SLC35A3: variants seen among roughly 807,000 people sequenced by gnomAD.
The protein encoded by SLC35A3 is solute carrier family 35 member A3.
A neutral mutation model predicts 39.0 loss-of-function variants in SLC35A3; 26 were observed. The observed-to-expected ratio is 0.67, with a 90% CI of 0.49 to 0.92. The LOEUF is 0.92. SLC35A3 is among the 40% of genes least tolerant of loss of function. The pLI, the probability that SLC35A3 is intolerant of heterozygous loss-of-function variation, is 0.00. For synonymous variants in SLC35A3, 135 were observed against 133.1 expected (o/e 1.01, Z -0.10); for missense variants, 299 against 371.6 (o/e 0.80, Z 1.61).
chr1:100,007,366 T>G (rs1659314961), intron 4 of SLC35A3: 1 of 419,748 alleles, frequency 2.4e-6, no homozygotes, highest in Non-Finnish European at 4.2e-6. Flanking sequence ...AAAATTATAT[T>G]ACCTACAGAA....
chr1:100,001,193 G>A (rs1658765573), intron 3 of SLC35A3, among the ~76,000 whole-genome samples: 2 of 151,850 alleles, frequency 1.3e-5, no homozygotes, highest in South Asian at 2.1e-4. Context: ...ATTATTCAGG[G>A]TCTTTGTGGT....
At chr1:99,980,300 A>G (rs1470459202) in intron 1 of SLC35A3, among the ~76,000 whole-genome samples, 2 of 152,112 alleles carry the variant, frequency 1.3e-5, no homozygotes, top group African/African-American at 4.8e-5. Context: ...GGAAGTGACC[A>G]TAACAGAATG....
chr1:100,013,354 T>C (rs1249327272), intron 5 of SLC35A3, among the ~76,000 whole-genome samples: 6 of 150,596 alleles, frequency 4.0e-5, no homozygotes, highest in Non-Finnish European at 4.4e-5. Flanking sequence ...GGCTCACGCC[T>C]GTAATCCCAG....
chr1:100,002,499 T>C (rs1180958725), intron 3 of SLC35A3, among the ~76,000 whole-genome samples: 1 of 152,210 alleles, frequency 6.6e-6, no homozygotes, highest in Non-Finnish European at 1.5e-5. Context: ...TTTTCTTGGT[T>C]AGTCTAGTTT....
intron 1 of SLC35A3, among the ~76,000 whole-genome samples, chr1:99,980,378 A>G (rs960470024): frequency 6.6e-6 from 1 of 152,176 alleles, no homozygotes; most frequent in African/African-American, 2.4e-5. Context: ...TCATTTTTAC[A>G]TGGCACCACA....
rs555272750 is a variant in SLC35A3 at position 100,018,491 on chromosome 1, A to G, written c.887+676A>G. On this transcript the variant is annotated intron_variant, in intron 7 of 7. Transcript: ENST00000533028. ...ATTTTCTCAACCTCTAAACTTTGGA[A>G]TCTCCCAAGAATCTTTTATTTATTT... Among the ~76,000 whole-genome samples the G allele has an allele frequency of 5.3e-5, 8 of 152,232 alleles. No individual in the cohort carries two copies. The East Asian group carries it at 1.5e-3, about 29-fold the overall frequency.
intron 1 of SLC35A3, among the ~76,000 whole-genome samples, chr1:99,990,817 G>C (rs1480292337): frequency 6.6e-6 from 1 of 152,106 alleles, no homozygotes. Context: ...GAGGTAATTA[G>C]GTCATGAAAG....
At chr1:100,000,743 C>T (rs1658719673) in intron 3 of SLC35A3, 1 of 152,138 alleles carries the variant, frequency 6.6e-6, no homozygotes, top group South Asian at 2.1e-4. Context: ...GAAGCAAGCA[C>T]TGCCTGTGCT....
At chr1:99,981,929 C>T (rs754090675) in intron 1 of SLC35A3, among the ~76,000 whole-genome samples, 6 of 151,692 alleles carry the variant, frequency 4.0e-5, no homozygotes, top group Non-Finnish European at 7.4e-5. Context: ...ACAGACTATA[C>T]GTTGGTGAGC....
Position 100,031,642 on chromosome 1 carries a change from A to G in SLC35A3, c.*9166A>G, listed in dbSNP as rs1047792705. On this transcript the variant is annotated 3_prime_UTR_variant, in exon 8 of 8. Transcript: ENST00000533028. The stretch of plus-strand genomic sequence containing the variant: ...CATCCTGCAAATAACTGTGTTTTCC[A>G]TCTGCATTTGGCTGAAAAAAAATCT... The G allele has an allele frequency of 1.3e-5, 2 of 152,168 alleles. No individual in the cohort carries two copies. The highest frequency in any genetic ancestry group is 2.9e-5 in the Non-Finnish European group (2 of 68,028). The allele number at this position is 152,168 out of a possible 1,614,324, so 9.4% of individuals were successfully genotyped here.
intron 7 of SLC35A3, among the ~76,000 whole-genome samples, chr1:100,018,083 T>G (rs1195824045): frequency 1.3e-5 from 2 of 152,192 alleles, no homozygotes; most frequent in African/African-American, 4.8e-5. Flanking sequence ...ATAAAAAAGT[T>G]AATAAGTCAT....
intron 4 of SLC35A3, chr1:100,009,520 T>C (rs1328951134): frequency 6.6e-6 from 1 of 152,286 alleles, no homozygotes; most frequent in Admixed American, 6.5e-5. Flanking sequence ...CTTTTGGCTG[T>C]AAGGGCTCAC....
At chr1:99,979,665 A>C (rs1469266153) in intron 1 of SLC35A3, among the ~76,000 whole-genome samples, 2 of 149,894 alleles carry the variant, frequency 1.3e-5, no homozygotes, top group Non-Finnish European at 3.0e-5. Flanking sequence ...GATCTCCTCT[A>C]TCTCGTGATC....
intron 1 of SLC35A3, among the ~76,000 whole-genome samples, chr1:99,986,538 C>G (rs1557825343): frequency 6.6e-6 from 1 of 151,896 alleles, no homozygotes; most frequent in Non-Finnish European, 1.5e-5. Flanking sequence ...AATGGAAATG[C>G]AAAATTTTCA....
rs148959788 is a variant in SLC35A3 at position 99,974,139 on chromosome 1, T to C, written c.-19+3977T>C. Among the ~76,000 whole-genome samples, 778 of 152,350 alleles carry C rather than the reference T, an allele frequency of 5.1e-3. 10 individuals carry two copies. Among genetic ancestry groups the C allele is most frequent in the African/African-American group, 0.018 (754 of 41,572 alleles). ...TATCTACCTAGAGCTGAGTTTTTTC[T>C]GTAAAAGTTATGTAAGTTTTTTTTC... On this transcript the variant is annotated intron_variant, in intron 1 of 7. Transcript: ENST00000533028.
At position 100,032,144 on chromosome 1, in the gene SLC35A3, C is replaced by T. The variant is rs569669736; in HGVS notation, c.*9668C>T. 3.1e-4 allele frequency: 47 copies of T among 152,234 alleles called. No homozygotes were observed. Among genetic ancestry groups the T allele is most frequent in the African/African-American group, 1.1e-3 (47 of 41,558 alleles). 9.4% of individuals were successfully genotyped at this position (152,234 alleles called of 1,614,324 possible). A position where few individuals can be genotyped will look rare whatever the true frequency, so the allele number is the denominator to read the frequency against. ...TATTTGGTTAAGATGATGACTACCCCATTGTAAAGGTTATTGTAAAGTTCT... is the reference window on the plus strand; with the variant it reads ...TATTTGGTTAAGATGATGACTACCCTATTGTAAAGGTTATTGTAAAGTTCT... On this transcript the variant is annotated 3_prime_UTR_variant, in exon 8 of 8. Coordinates refer to ENST00000533028, the MANE Select transcript of SLC35A3 (RefSeq NM_012243.3).
At chr1:99,983,599 A>G (rs556460498) in intron 1 of SLC35A3, among the ~76,000 whole-genome samples, 7 of 152,018 alleles carry the variant, frequency 4.6e-5, no homozygotes, top group Admixed American at 1.3e-4. Context: ...AAGTTTGAGT[A>G]TATGATAATA....
intron 6 of SLC35A3, 38 bp downstream of exon 6, chr1:100,015,458 CTG>C: frequency 6.4e-7 from 1 of 1,567,534 alleles, no homozygotes; most frequent in Non-Finnish European, 8.6e-7. Context: ...TGCTAATAAA[CTG>C]TATTTTAATA....
At position 100,034,082 on chromosome 1, in the gene SLC35A3, G is replaced by C. The variant is rs1024985984; in HGVS notation, c.*11606G>C. The C allele has an allele frequency of 1.3e-5, 2 of 152,050 alleles. No homozygotes were observed. Among genetic ancestry groups the C allele is most frequent in the African/African-American group, 2.4e-5 (1 of 41,388 alleles). 9.4% of individuals were successfully genotyped at this position (152,050 alleles called of 1,614,324 possible). A position where few individuals can be genotyped will look rare whatever the true frequency, so the allele number is the denominator to read the frequency against. On this transcript the variant is annotated 3_prime_UTR_variant, in exon 8 of 8. Coordinates refer to ENST00000533028, the MANE Select transcript of SLC35A3 (RefSeq NM_012243.3). ...TGTCTGAATTTGTGCTTCACTGTTG[G>C]GTTGCTTGATGTTATCATCAAGAAG...
Sources: allele counts gnomAD v4.1 joint callset (sites outside exome capture counted in the v4.1 genomes callset), GRCh38; gene constraint gnomAD v4.1.1; transcripts MANE v1.5; gene names NCBI Gene and HGNC (gene_info 2026-07-23, HGNC 2026-07-21).